Variants in OR51G1 observed in about 807,000 individuals in gnomAD.
OR51G1 encodes olfactory receptor family 51 subfamily G member 1, also known as olfactory receptor 51G1.
For missense variants in OR51G1, 454 were observed against 396.0 expected (o/e 1.15, Z -1.24); for synonymous variants, 163 against 156.9 (o/e 1.04, Z -0.29).
Position 4,923,624 on chromosome 11 carries a change from G to T in OR51G1, c.716C>A (p.Ala239Asp). 6.2e-7 allele frequency: 1 copy of T among 1,614,086 alleles called. No homozygotes were observed. Among genetic ancestry groups the T allele is most frequent in the Non-Finnish European group, 8.5e-7 (1 of 1,180,018 alleles). ...SIASHQERLR[A>D]LNTCVSHICA... ...GATATGAGAGACACAGGTGTTGAGG[G>T]CTCGGAGTCGCTCCTGGTGGGAGGC... Residue 239 changes from alanine (A) to aspartate (D), a missense_variant, in exon 1 of 1, where the codon GCC (alanine) becomes GAC (aspartate). Transcript: ENST00000623849.
rs776275767 is a variant in OR51G1 at position 4,923,649 on chromosome 11, C to T, written c.691G>A (p.Ala231Thr). Residue 231 changes from alanine (A) to threonine (T), a missense_variant, in exon 1 of 1, where the codon GCC becomes ACC. By Grantham distance (58) the Ala-to-Thr change is moderately conservative (BLOSUM62 0). Coordinates refer to ENST00000623849, the MANE Select transcript of OR51G1 (RefSeq NM_001005237.1). ...GCTCGGAGTCGCTCCTGGTGGGAGG[C>T]AATGCTGAGCACGGTGCGAAGGATG... is the stretch of plus-strand genomic sequence containing the variant. ...ALILRTVLSI[A>T]SHQERLRALN... is the part of the protein sequence containing the mutation. 28 of 1,613,634 alleles carry T rather than the reference C, an allele frequency of 1.7e-5. No homozygotes were observed. Among genetic ancestry groups the T allele is most frequent in the African/African-American group, 2.7e-5 (2 of 74,808 alleles).
rs764976839 is a variant in OR51G1 at position 4,924,121 on chromosome 11, T to C, written c.219A>G (p.Leu73=). ...YFLGMLAVTD[L]GLCLSTLPTV... ...TGGGCAGTGTGGAAAGGCAAAGGCCTAAGTCTGTGACAGCTAGCATGCCCA... is the reference window on the plus strand; with the variant it reads ...TGGGCAGTGTGGAAAGGCAAAGGCCCAAGTCTGTGACAGCTAGCATGCCCA... The change falls in exon 1 of 1, where the codon TTA becomes TTG. Residue 73 remains leucine (L), a synonymous_variant. Transcript: ENST00000623849. 12 of 1,614,100 alleles carry C rather than the reference T, an allele frequency of 7.4e-6. No homozygotes were observed. The highest frequency in any genetic ancestry group is 5.5e-5 in the South Asian group (5 of 91,082).
In OR51G1 at chr11:4,924,308, C is replaced by CT; in HGVS notation, c.31dup (p.Arg11LysfsTer44). ...GAAGCCCGTCAGGAAGAAAGTGGCT[C>CT]TTTGGAGGCTGCTATTAAGAAGAAT... On this transcript the variant is annotated frameshift_variant, in exon 1 of 1. Transcript: ENST00000623849. LOFTEE classifies it low-confidence loss of function (END_TRUNC). 1 of 1,611,578 alleles carries CT rather than the reference C, an allele frequency of 6.2e-7. No homozygotes were observed. The highest frequency in any genetic ancestry group is 8.5e-7 in the Non-Finnish European group (1 of 1,179,096).
rs1314285632 is a variant in OR51G1, at chr11:4,923,708, A to G, written c.632T>C (p.Val211Ala). ...GLFVVACTVGVDSLLIFLSYA... is the reference protein window; with the variant it reads ...GLFVVACTVGADSLLIFLSYA... ...TGAGAGAAAGATGAGCAGGGAGTCC[A>G]CACCCACGGTGCAGGCCACAACAAA... The change falls in exon 1 of 1, where the codon GTG (valine) becomes GCG (alanine). Residue 211 changes from valine to alanine, a missense_variant. By Grantham distance (64) the Val-to-Ala change is moderately conservative (BLOSUM62 0). Coordinates refer to ENST00000623849, the MANE Select transcript of OR51G1 (RefSeq NM_001005237.1). 2 of 1,614,098 alleles carry G rather than the reference A, an allele frequency of 1.2e-6. No individual in the cohort carries two copies. The highest frequency in any genetic ancestry group is 1.3e-5 in the African/African-American group (1 of 75,020).
chr11:4,923,757 T>C lies in OR51G1; in HGVS notation c.583A>G (p.Ile195Val), dbSNP rs754230678. The stretch of plus-strand genomic sequence containing the variant: ...AAGAGCCCATAGATGTGATTGACAA[T>C]GATGCTAGAGCAGGCCAGCTTCATG... Reference protein sequence around the residue: ...EIMKLACSSIIVNHIYGLFVV... With the variant: ...EIMKLACSSIVVNHIYGLFVV... Residue 195 changes from isoleucine to valine, a missense_variant, in exon 1 of 1, where the codon ATT (isoleucine) becomes GTT (valine). Coordinates refer to ENST00000623849, the MANE Select transcript of OR51G1 (RefSeq NM_001005237.1). 58 of 1,613,824 alleles carry C rather than the reference T, an allele frequency of 3.6e-5. No individual in the cohort carries two copies. Among genetic ancestry groups the C allele is most frequent in the Non-Finnish European group, 4.9e-5 (58 of 1,179,988 alleles).
In OR51G1 at chr11:4,923,793, G is replaced by A; in HGVS notation, c.547C>T (p.His183Tyr). The change falls in exon 1 of 1, where the codon CAC (histidine) becomes TAC (tyrosine). Residue 183 changes from histidine (H) to tyrosine (Y), a missense_variant. Coordinates refer to ENST00000623849, the MANE Select transcript of OR51G1 (RefSeq NM_001005237.1). ...CAGGCCAGCTTCATGATCTCCAGGTGAAGACAATAAGCATGAGCCAGCACA... is the reference window on the plus strand; with the variant it reads ...CAGGCCAGCTTCATGATCTCCAGGTAAAGACAATAAGCATGAGCCAGCACA... Reference protein sequence around the residue: ...SHVLAHAYCLHLEIMKLACSS... With the variant: ...SHVLAHAYCLYLEIMKLACSS... 1 of 1,614,036 alleles carries A rather than the reference G, an allele frequency of 6.2e-7. No individual in the cohort carries two copies. The highest frequency in any genetic ancestry group is 8.5e-7 in the Non-Finnish European group (1 of 1,180,012).
chr11:4,924,311 T>C lies in OR51G1; in HGVS notation c.29A>G (p.Gln10Arg). Reference protein sequence around the residue: MTILLNSSLQRATFFLTGFQ... With the variant: MTILLNSSLRRATFFLTGFQ... ...GCCCGTCAGGAAGAAAGTGGCTCTTTGGAGGCTGCTATTAAGAAGAATTGT... is the reference window on the plus strand; with the variant it reads ...GCCCGTCAGGAAGAAAGTGGCTCTTCGGAGGCTGCTATTAAGAAGAATTGT... The change falls in exon 1 of 1, where the codon CAA becomes CGA. Residue 10 changes from glutamine to arginine, a missense_variant. Transcript: ENST00000623849. 1 of 1,611,454 alleles carries C rather than the reference T, an allele frequency of 6.2e-7. No individual in the cohort carries two copies. The highest frequency in any genetic ancestry group is 1.1e-5 in the South Asian group (1 of 90,656).
rs769582559 is a variant in OR51G1, at chr11:4,923,491, CA to C, written c.848del (p.Leu283ArgfsTer7). 1.9e-6 allele frequency: 3 copies of C among 1,614,012 alleles called. No individual in the cohort carries two copies. The East Asian group carries it at 6.7e-5, about 36-fold the overall frequency. ...VVHLFMSYVY[L>X]LVPPLMNPII... ...TGGGGTTCATAAGGGGTGGTACCAG[CA>C]GATACACATAGGACATGAAGAGGTG... On this transcript the variant is annotated frameshift_variant, in exon 1 of 1. Coordinates refer to ENST00000623849, the MANE Select transcript of OR51G1 (RefSeq NM_001005237.1). LOFTEE classifies it low-confidence loss of function (END_TRUNC).
Position 4,923,769 on chromosome 11 carries a change from A to C in OR51G1, c.571T>G (p.Cys191Gly), listed in dbSNP as rs528201654. ...ATGTGATTGACAATGATGCTAGAGC[A>C]GGCCAGCTTCATGATCTCCAGGTGA... ...CLHLEIMKLACSSIIVNHIYG... is the reference protein window; with the variant it reads ...CLHLEIMKLAGSSIIVNHIYG... Residue 191 changes from cysteine to glycine, a missense_variant, in exon 1 of 1, where the codon TGC becomes GGC. Transcript: ENST00000623849. 6.2e-7 allele frequency: 1 copy of C among 1,614,130 alleles called. No homozygotes were observed. Among genetic ancestry groups the C allele is most frequent in the Admixed American group, 1.7e-5 (1 of 60,014 alleles).
Position 4,923,599 on chromosome 11 carries a change from G to A in OR51G1, c.741C>T (p.Ile247=). The A allele has an allele frequency of 6.2e-7, 1 of 1,614,166 alleles. No individual in the cohort carries two copies. Among genetic ancestry groups the A allele is most frequent in the African/African-American group, 1.3e-5 (1 of 75,042 alleles). The change falls in exon 1 of 1, where the codon ATC becomes ATT. Residue 247 remains isoleucine (I), a synonymous_variant. Transcript: ENST00000623849. The stretch of plus-strand genomic sequence containing the variant: ...GGATGTAGAAGAGCAGTACAGCACA[G>A]ATATGAGAGACACAGGTGTTGAGGG... ...LRALNTCVSH[I]CAVLLFYIPM...
In OR51G1 at chr11:4,923,436, G is replaced by A. The variant is rs144243455; in HGVS notation, c.904C>T (p.Arg302Cys). 8,427 of 1,599,434 alleles carry A rather than the reference G, an allele frequency of 5.3e-3. 46 individuals are homozygous for A. Among genetic ancestry groups the A allele is most frequent in the South Asian group, 0.011 (1,011 of 89,432 alleles). ...IIYSIKTKQI[R>C]QRIIKKFQFI... ...TGAAACTTCTTAATGATGCGCTGGC[G>A]AATTTGCTTGGTCTTGATGCTGTAG... The change falls in exon 1 of 1, where the codon CGC (arginine) becomes TGC (cysteine). Residue 302 changes from arginine to cysteine, a missense_variant. Physicochemically the swap from Arg to Cys is radical, Grantham distance 180. Transcript: ENST00000623849.
Position 4,923,911 on chromosome 11 carries a change from A to C in OR51G1, c.429T>G (p.Ile143Met), listed in dbSNP as rs1244379182. 2 of 1,614,004 alleles carry C rather than the reference A, an allele frequency of 1.2e-6. No homozygotes were observed. The highest frequency in any genetic ancestry group is 4.5e-5 in the East Asian group (2 of 44,876). The change falls in exon 1 of 1, where the codon ATT becomes ATG. Residue 143 changes from isoleucine to methionine, a missense_variant. Transcript: ENST00000623849. ...HDSTVLTPACIVKMGLSSVLR... is the reference protein window; with the variant it reads ...HDSTVLTPACMVKMGLSSVLR... ...GCACTGAGCTTAGCCCCATCTTGACAATACATGCAGGTGTCAGGACGGTGG... is the reference window on the plus strand; with the variant it reads ...GCACTGAGCTTAGCCCCATCTTGACCATACATGCAGGTGTCAGGACGGTGG...
Position 4,923,516 on chromosome 11 carries a change from T to A in OR51G1, c.824A>T (p.His275Leu). ...CAGATACACATAGGACATGAAGAGGTGTACAACGCGGGGCAGATGTTCACC... is the reference window on the plus strand; with the variant it reads ...CAGATACACATAGGACATGAAGAGGAGTACAACGCGGGGCAGATGTTCACC... ...RFGEHLPRVV[H>L]LFMSYVYLLV... The change falls in exon 1 of 1, where the codon CAC (histidine) becomes CTC (leucine). Residue 275 changes from histidine (H) to leucine (L), a missense_variant. Transcript: ENST00000623849. The A allele has an allele frequency of 6.2e-7, 1 of 1,613,854 alleles. No homozygotes were observed. Among genetic ancestry groups the A allele is most frequent in the Non-Finnish European group, 8.5e-7 (1 of 1,179,982 alleles).
rs199957479 is a variant in OR51G1 at position 4,923,484 on chromosome 11, G to A, written c.856C>T (p.Pro286Ser). 176 of 1,614,040 alleles carry A rather than the reference G, an allele frequency of 1.1e-4. 1 individual carries two copies. In the East Asian group the frequency reaches 3.8e-3, roughly 35 times the overall value. ...LFMSYVYLLV[P>S]PLMNPIIYSI... ...TAGATGATGGGGTTCATAAGGGGTG[G>A]TACCAGCAGATACACATAGGACATG... is the stretch of plus-strand genomic sequence containing the variant. The change falls in exon 1 of 1, where the codon CCA becomes TCA. Residue 286 changes from proline to serine, a missense_variant. Physicochemically the swap from Pro to Ser is moderately conservative, Grantham distance 74 (BLOSUM62 -1). Transcript: ENST00000623849.
In OR51G1 at chr11:4,923,458, G is replaced by A. The variant is rs889002878; in HGVS notation, c.882C>T (p.Tyr294=). ...GGCGAATTTGCTTGGTCTTGATGCT[G>A]TAGATGATGGGGTTCATAAGGGGTG... ...LVPPLMNPII[Y]SIKTKQIRQR... is the part of the protein sequence containing the mutation. Residue 294 remains tyrosine, a synonymous_variant, in exon 1 of 1, where the codon TAC becomes TAT. Transcript: ENST00000623849. The A allele has an allele frequency of 1.2e-6, 2 of 1,612,662 alleles. No individual in the cohort carries two copies. Among genetic ancestry groups the A allele is most frequent in the East Asian group, 2.2e-5 (1 of 44,842 alleles).
Position 4,923,508 on chromosome 11 carries a change from T to C in OR51G1, c.832A>G (p.Met278Val), listed in dbSNP as rs761695826. ...GGTACCAGCAGATACACATAGGACA[T>C]GAAGAGGTGTACAACGCGGGGCAGA... ...EHLPRVVHLF[M>V]SYVYLLVPPL... is the part of the protein sequence containing the mutation. Residue 278 changes from methionine (M) to valine (V), a missense_variant, in exon 1 of 1, where the codon ATG becomes GTG. Coordinates refer to ENST00000623849, the MANE Select transcript of OR51G1 (RefSeq NM_001005237.1). The C allele has an allele frequency of 3.1e-6, 5 of 1,613,958 alleles. No individual in the cohort carries two copies. The highest frequency in any genetic ancestry group is 3.4e-6 in the Non-Finnish European group (4 of 1,180,016).
rs1851219393 is a variant in OR51G1, at chr11:4,923,641, G to A, written c.699C>T (p.His233=). 3 of 1,613,888 alleles carry A rather than the reference G, an allele frequency of 1.9e-6. No individual in the cohort carries two copies. The highest frequency in any genetic ancestry group is 2.5e-6 in the Non-Finnish European group (3 of 1,179,960). The part of the protein sequence containing the change: ...ILRTVLSIAS[H]QERLRALNTC... ...TGTTGAGGGCTCGGAGTCGCTCCTG[G>A]TGGGAGGCAATGCTGAGCACGGTGC... is the stretch of plus-strand genomic sequence containing the variant. The change falls in exon 1 of 1, where the codon CAC becomes CAT. Residue 233 remains histidine, a synonymous_variant. Coordinates refer to ENST00000623849, the MANE Select transcript of OR51G1 (RefSeq NM_001005237.1).
chr11:4,923,608 G>A lies in OR51G1; in HGVS notation c.732C>T (p.Val244=), dbSNP rs138156775. 1 of 1,614,170 alleles carries A rather than the reference G, an allele frequency of 6.2e-7. No individual in the cohort carries two copies. The highest frequency in any genetic ancestry group is 1.3e-5 in the African/African-American group (1 of 75,038). ...QERLRALNTC[V]SHICAVLLFY... Reference sequence around the variant, plus strand: ...AGAGCAGTACAGCACAGATATGAGAGACACAGGTGTTGAGGGCTCGGAGTC... The same window carrying A: ...AGAGCAGTACAGCACAGATATGAGAAACACAGGTGTTGAGGGCTCGGAGTC... Residue 244 remains valine (V), a synonymous_variant, in exon 1 of 1, where the codon GTC becomes GTT. Coordinates refer to ENST00000623849, the MANE Select transcript of OR51G1 (RefSeq NM_001005237.1).
At position 4,924,126 on chromosome 11, in the gene OR51G1, CTG is replaced by C. The variant is rs145179083; in HGVS notation, c.212_213del (p.Thr71ArgfsTer19). The C allele has an allele frequency of 9.6e-3, 15,491 of 1,614,154 alleles. 99 individuals are homozygous for C. Among genetic ancestry groups the C allele is most frequent in the Non-Finnish European group, 0.012 (14,191 of 1,180,020 alleles). On this transcript the variant is annotated frameshift_variant, in exon 1 of 1. Coordinates refer to ENST00000623849, the MANE Select transcript of OR51G1 (RefSeq NM_001005237.1). LOFTEE classifies it low-confidence loss of function (END_TRUNC). Reference protein sequence around the residue: ...MYYFLGMLAVTDLGLCLSTLP... With the variant: ...MYYFLGMLAVXDLGLCLSTLP... ...AGTGTGGAAAGGCAAAGGCCTAAGT[CTG>C]TGACAGCTAGCATGCCCAAGAAATA...
Sources: gnomAD v4.1 joint callset for allele counts on GRCh38, gnomAD v4.1.1 for gene constraint, MANE v1.5 for transcripts, NCBI Gene and HGNC (gene_info 2026-07-23, HGNC 2026-07-21) for gene names.